GRM1: variants seen among roughly 807,000 people sequenced by gnomAD.
GRM1 encodes the protein metabotropic glutamate receptor 1.
A neutral mutation model predicts 90.9 loss-of-function variants in GRM1; 33 were observed. That is an observed-to-expected ratio of 0.36 (90% CI 0.28 to 0.49). GRM1 has a LOEUF of 0.49. Among genes scored for constraint, GRM1 ranks in the 20% least tolerant of loss-of-function variants. GRM1 has a pLI of 0.99. For missense variants in GRM1, 1,190 were observed against 1,534.3 expected (o/e 0.78, Z 3.75); for synonymous variants, 700 against 613.2 (o/e 1.14, Z -2.09).
intron 2 of GRM1, among the ~76,000 whole-genome samples, chr6:146,282,331 A>G (rs914537980): frequency 6.6e-6 from 1 of 152,110 alleles, no homozygotes; most frequent in Admixed American, 6.6e-5. Context: ...AGCCCCACTT[A>G]CTATTATCCA....
At chr6:146,062,344 G>T (rs761009799) in intron 1 of GRM1, among the ~76,000 whole-genome samples, 2 of 128,766 alleles carry the variant, frequency 1.6e-5, no homozygotes, top group Admixed American at 7.4e-5. Context: ...GGCCTGTTGG[G>T]GGGTAGGGGG....
chr6:146,073,115 T>A (rs572018729), intron 1 of GRM1, among the ~76,000 whole-genome samples: 1 of 152,240 alleles, frequency 6.6e-6, no homozygotes, highest in Non-Finnish European at 1.5e-5. Flanking sequence ...AAATTGAATA[T>A]TATGTAATAA....
intron 7 of GRM1, among the ~76,000 whole-genome samples, chr6:146,426,901 T>C (rs1778231978): frequency 6.6e-6 from 1 of 152,196 alleles, no homozygotes; most frequent in Non-Finnish European, 1.5e-5. Context: ...GAGACTCACT[T>C]TTGTTTGTGA....
chr6:146,352,514 C>A lies in GRM1; in HGVS notation c.1433+18C>A. On this transcript the variant is annotated intron_variant, in intron 4 of 7. Coordinates refer to ENST00000282753, the MANE Select transcript of GRM1 (RefSeq NM_001278064.2). ...CCTGGAAGGTAATCTTTTCAGTAAT[C>A]AATCTAAGTAACCTTGTGAGCCTTC... 1.2e-6 allele frequency: 2 copies of A among 1,612,188 alleles called. No homozygotes were observed. Among genetic ancestry groups the A allele is most frequent in the South Asian group, 1.1e-5 (1 of 90,576 alleles).
intron 2 of GRM1, among the ~76,000 whole-genome samples, chr6:146,273,157 C>T (rs145337673): frequency 2.4e-4 from 36 of 152,262 alleles, no homozygotes; most frequent in African/African-American, 5.5e-4. Context: ...ATATAATGCC[C>T]TCTCCTTTTT....
chr6:146,409,655 A>G (rs1244402879), intron 7 of GRM1, among the ~76,000 whole-genome samples: 3 of 152,192 alleles, frequency 2.0e-5, no homozygotes, highest in South Asian at 4.1e-4. Context: ...TTTAAGTTAC[A>G]GGACAACAAT....
At chr6:146,094,865 A>T (rs938128042) in intron 1 of GRM1, among the ~76,000 whole-genome samples, 1 of 152,094 alleles carries the variant, frequency 6.6e-6, no homozygotes, top group Non-Finnish European at 1.5e-5. Flanking sequence ...TTATATTTTT[A>T]AAAAGGCTGA....
chr6:146,174,966 C>T (rs1778282558), intron 2 of GRM1, among the ~76,000 whole-genome samples: 1 of 152,146 alleles, frequency 6.6e-6, no homozygotes, highest in African/African-American at 2.4e-5. Flanking sequence ...TGAGATCTGG[C>T]TTCCCTGAGG....
chr6:146,028,671 C>G (rs1476037265), upstream of GRM1, among the ~76,000 whole-genome samples: 1 of 152,126 alleles, frequency 6.6e-6, no homozygotes, highest in Non-Finnish European at 1.5e-5. Flanking sequence ...TGTGGATTTT[C>G]TTCAAGCTGG....
chr6:146,128,739 C>T (rs574111768), intron 1 of GRM1, among the ~76,000 whole-genome samples: 1 of 152,082 alleles, frequency 6.6e-6, no homozygotes, highest in African/African-American at 2.4e-5. Context: ...ATTAATATAA[C>T]AAATAATATT....
intron 1 of GRM1, among the ~76,000 whole-genome samples, chr6:146,122,646 T>G (rs761922345): frequency 6.6e-6 from 1 of 152,070 alleles, no homozygotes; most frequent in Non-Finnish European, 1.5e-5. Context: ...AAATTAGCTT[T>G]AAGCCTATAT....
intron 1 of GRM1, among the ~76,000 whole-genome samples, chr6:146,048,323 A>T (rs1214296380): frequency 6.6e-6 from 1 of 151,974 alleles, no homozygotes; most frequent in African/African-American, 2.4e-5. Context: ...CCTCACTGGG[A>T]CTTACTTTTA....
intron 2 of GRM1, among the ~76,000 whole-genome samples, chr6:146,255,568 G>A (rs2114775895): frequency 6.6e-6 from 1 of 152,132 alleles, no homozygotes; most frequent in East Asian, 1.9e-4. Context: ...CAAATTTTAA[G>A]GTGTATCATT....
chr6:146,221,296 C>T (rs918313737), intron 2 of GRM1, among the ~76,000 whole-genome samples: 8 of 152,068 alleles, frequency 5.3e-5, no homozygotes, highest in African/African-American at 1.9e-4. Flanking sequence ...CACTCACCAA[C>T]CAATCCGTCA....
At chr6:146,082,242 G>A (rs957039994) in intron 1 of GRM1, among the ~76,000 whole-genome samples, 4 of 151,996 alleles carry the variant, frequency 2.6e-5, no homozygotes, top group African/African-American at 4.8e-5. Context: ...TGCAACCTCC[G>A]CCTCCCGGGT....
At chr6:146,393,082 G>C (rs919308320) in intron 6 of GRM1, among the ~76,000 whole-genome samples, 1 of 152,052 alleles carries the variant, frequency 6.6e-6, no homozygotes, top group South Asian at 2.1e-4. Context: ...TGGTATTTCT[G>C]GTTCTAGATC....
At chr6:146,065,501 C>T (rs953277503) in intron 1 of GRM1, among the ~76,000 whole-genome samples, 2 of 152,154 alleles carry the variant, frequency 1.3e-5, no homozygotes, top group African/African-American at 2.4e-5. Context: ...AATTGACTGA[C>T]AAGTACATGA....
At chr6:146,189,187 C>T (rs745468127) in intron 2 of GRM1, among the ~76,000 whole-genome samples, 5 of 152,172 alleles carry the variant, frequency 3.3e-5, no homozygotes, top group Non-Finnish European at 7.4e-5. Context: ...TGTTGTTTCA[C>T]ATCATTAAAG....
rs180999446 is a variant in GRM1 at position 146,364,001 on chromosome 6, G to A, written c.1602+6307G>A. Among the ~76,000 whole-genome samples, 359 of 152,308 alleles carry A rather than the reference G, an allele frequency of 2.4e-3. 1 individual carries two copies. Among genetic ancestry groups the A allele is most frequent in the African/African-American group, 7.8e-3 (324 of 41,570 alleles). ...GCAGGGGAAAATGAGGTTGGGAAGA[G>A]GATAGACGACGCATCCGCTTCTACC... is the stretch of plus-strand genomic sequence containing the variant. On this transcript the variant is annotated intron_variant, in intron 5 of 7. Transcript: ENST00000282753.
Sources: allele counts gnomAD v4.1 joint callset (sites outside exome capture counted in the v4.1 genomes callset), GRCh38; gene constraint gnomAD v4.1.1; transcripts MANE v1.5; gene names NCBI Gene and HGNC (gene_info 2026-07-23, HGNC 2026-07-21).